The following KCNQ1 variants were observed in gnomAD, a reference collection of about 807,000 sequenced individuals.
The protein encoded by KCNQ1 is potassium voltage-gated channel subfamily KQT member 1.
In KCNQ1, 49 loss-of-function variants were observed where a neutral mutation model predicts 72.4. The observed-to-expected ratio is 0.68, with a 90% CI of 0.54 to 0.86. The LOEUF is 0.86. KCNQ1 is among the 40% of genes least tolerant of loss of function. The pLI, the probability that KCNQ1 is intolerant of heterozygous loss-of-function variation, is 0.00. For synonymous variants in KCNQ1, 450 were observed against 412.6 expected (o/e 1.09, Z -1.10); for missense variants, 790 against 945.1 (o/e 0.84, Z 2.15).
rs536608671 is a variant in KCNQ1, at chr11:2,822,487, C to T, written c.1795-25280C>T. On this transcript the variant is annotated intron_variant, in intron 15 of 15. Transcript: ENST00000155840. ...TGTTTAGTTAGAACTGTGCTAAGTG[C>T]GTAAAGAGAGCTAAAGGCTACATAA... is the stretch of plus-strand genomic sequence containing the variant. Among the ~76,000 whole-genome samples the T allele has an allele frequency of 7.2e-5, 11 of 152,256 alleles. No homozygotes were observed. The East Asian group carries it at 7.7e-4, about 11-fold the overall frequency.
chr11:2,670,150 T>G lies in KCNQ1; in HGVS notation c.1514+8069T>G. 7.5e-6 allele frequency: 3 copies of G among 398,666 alleles called. No homozygotes were observed. Among genetic ancestry groups the G allele is most frequent in the Non-Finnish European group, 1.3e-5 (3 of 226,102 alleles). The allele number at this position is 398,666 out of a possible 1,614,324, so 24.7% of individuals were successfully genotyped here. ...TGCATCTGTCATTTGTTCTTATCAC[T>G]GTCGGGCCCATCTGCCAAGGCAAGC... On this transcript the variant is annotated intron_variant, in intron 11 of 15. Coordinates refer to ENST00000155840, the MANE Select transcript of KCNQ1 (RefSeq NM_000218.3). The surrounding 1 kb of genome is among the most constrained non-coding windows in gnomAD (Gnocchi z 4.9).
chr11:2,757,757 C>T (rs577526547), intron 11 of KCNQ1, among the ~76,000 whole-genome samples: 11 of 152,310 alleles, frequency 7.2e-5, no homozygotes, highest in South Asian at 4.1e-4. Flanking sequence ...AATAGACACA[C>T]GCAAACATGC....
In KCNQ1 at chr11:2,598,995, A is replaced by T. The variant is rs1028203003; in HGVS notation, c.1393+10141A>T. On this transcript the variant is annotated intron_variant, in intron 10 of 15. Transcript: ENST00000155840. The surrounding 1 kb of genome is among the most constrained non-coding windows in gnomAD (Gnocchi z 6.2). ...TCAATACCAGATCTGAATAGGGGCT[A>T]TTCTTTCTTTTAGTGTCCTTAATGT... Among the ~76,000 whole-genome samples, 1 of 152,232 alleles carries T rather than the reference A, an allele frequency of 6.6e-6. No homozygotes were observed. Among genetic ancestry groups the T allele is most frequent in the African/African-American group, 2.4e-5 (1 of 41,462 alleles).
chr11:2,639,652 G>C (rs1254058443), intron 10 of KCNQ1: 3 of 152,404 alleles, frequency 2.0e-5, no homozygotes, highest in African/African-American at 7.2e-5. Context: ...TAGGCTACTC[G>C]GGGGTCAGGG....
In KCNQ1 at chr11:2,752,532, C is replaced by T. The variant is rs757701095; in HGVS notation, c.1515-16312C>T. On this transcript the variant is annotated intron_variant, in intron 11 of 15. Transcript: ENST00000155840. The surrounding 1 kb of genome is among the most constrained non-coding windows in gnomAD (Gnocchi z 5.2). ...GAGACTGGGAAGCACAGGGTCAGGGCGCCAGCAGATCTGGTGTCTGGTAAG... is the reference window on the plus strand; with the variant it reads ...GAGACTGGGAAGCACAGGGTCAGGGTGCCAGCAGATCTGGTGTCTGGTAAG... Among the ~76,000 whole-genome samples, 14 of 152,016 alleles carry T rather than the reference C, an allele frequency of 9.2e-5. No homozygotes were observed. Among genetic ancestry groups the T allele is most frequent in the Non-Finnish European group, 1.2e-4 (8 of 67,998 alleles).
chr11:2,474,906 A>G (rs1174410812), intron 1 of KCNQ1, among the ~76,000 whole-genome samples: 1 of 152,164 alleles, frequency 6.6e-6, no homozygotes, highest in African/African-American at 2.4e-5. Context: ...AAACTGAGGC[A>G]TGGGGTGCAT....
chr11:2,512,617 C>T (rs971308246), intron 1 of KCNQ1, among the ~76,000 whole-genome samples: 11 of 152,228 alleles, frequency 7.2e-5, no homozygotes, highest in Non-Finnish European at 1.3e-4. Context: ...CCTCTGGCCG[C>T]CTCTTGCTCT....
chr11:2,510,622 C>G (rs1043623298), intron 1 of KCNQ1, among the ~76,000 whole-genome samples: 1 of 152,200 alleles, frequency 6.6e-6, no homozygotes, highest in Non-Finnish European at 1.5e-5. Flanking sequence ...ACAAACAAGG[C>G]TAACATGTTG....
intron 15 of KCNQ1, among the ~76,000 whole-genome samples, chr11:2,831,160 C>T (rs1004156896): frequency 1.3e-5 from 2 of 152,220 alleles, no homozygotes; most frequent in South Asian, 2.1e-4. Flanking sequence ...ATGGGATGTT[C>T]TCAGAATGAC....
In KCNQ1 at chr11:2,565,410, G is replaced by A. The variant is rs922836881; in HGVS notation, c.478-5218G>A. 6.6e-6 allele frequency among the ~76,000 whole-genome samples: 1 copy of A among 152,174 alleles called. No homozygotes were observed. The highest frequency in any genetic ancestry group is 2.4e-5 in the African/African-American group (1 of 41,442). ...CTCTCCGTGTGCCTCTTGGCCATCT[G>A]TGTATCTTCTTCACAGAAATGACTG... On this transcript the variant is annotated intron_variant, in intron 2 of 15. Coordinates refer to ENST00000155840, the MANE Select transcript of KCNQ1 (RefSeq NM_000218.3). This position sits in a 1 kb window ranked among gnomAD's most constrained non-coding sequence, Gnocchi z 5.6.
rs1848810554 is a variant in KCNQ1, at chr11:2,601,678, C to T, written c.1393+12824C>T. On this transcript the variant is annotated intron_variant, in intron 10 of 15. Transcript: ENST00000155840. The surrounding 1 kb of genome is among the most constrained non-coding windows in gnomAD (Gnocchi z 5.2). Reference sequence around the variant, plus strand: ...AATGGAATCACACAATACACGATATCTTAGAAACGGGGTCTTTTGGCTCGG... The same window carrying T: ...AATGGAATCACACAATACACGATATTTTAGAAACGGGGTCTTTTGGCTCGG... Among the ~76,000 whole-genome samples the T allele has an allele frequency of 6.6e-6, 1 of 152,220 alleles. No individual in the cohort carries two copies. Among genetic ancestry groups the T allele is most frequent in the African/African-American group, 2.4e-5 (1 of 41,442 alleles).
chr11:2,829,978 GGAGGGAGGAGGAAGGAA>G (rs1847909620), intron 15 of KCNQ1, among the ~76,000 whole-genome samples: 3 of 140,840 alleles, frequency 2.1e-5, no homozygotes, highest in African/African-American at 5.4e-5. Flanking sequence ...GAAGGAAGGA[GGAGGGAGGAGGAAGGAA>G]GAGGGAGGAG....
At chr11:2,469,263 G>GTT (rs113964559) in intron 1 of KCNQ1, among the ~76,000 whole-genome samples, 9 of 145,712 alleles carry the variant, frequency 6.2e-5, no homozygotes, top group African/African-American at 1.0e-4. Flanking sequence ...GAATTCAAGA[G>GTT]TTTTTTTTTT....
Position 2,671,068 on chromosome 11 carries a change from T to A in KCNQ1, c.1514+8987T>A, listed in dbSNP as rs924798688. On this transcript the variant is annotated intron_variant, in intron 11 of 15. Transcript: ENST00000155840. This position sits in a 1 kb window ranked among gnomAD's most constrained non-coding sequence, Gnocchi z 4.7. Reference sequence around the variant, plus strand: ...TATCTGAGGCACACATCCTTGGTAGTGACTGGCTAGCAGGAGGAAGTCTGG... The same window carrying A: ...TATCTGAGGCACACATCCTTGGTAGAGACTGGCTAGCAGGAGGAAGTCTGG... The A allele has an allele frequency of 1.5e-5, 6 of 398,496 alleles. No individual in the cohort carries two copies. Among genetic ancestry groups the A allele is most frequent in the African/African-American group, 1.0e-4 (5 of 48,596 alleles). 24.7% of individuals were successfully genotyped at this position (398,496 alleles called of 1,614,324 possible).
chr11:2,445,475 A>T lies in KCNQ1; in HGVS notation c.377A>T (p.His126Leu), dbSNP rs794728579. Residue 126 changes from histidine (H) to leucine (L), a missense_variant, in exon 1 of 16, where the codon CAC (histidine) becomes CTC (leucine). His to Leu is a moderately conservative substitution (Grantham distance 99). This residue lies in a region of KCNQ1 where 294 missense variants were observed against 323.3 expected (regional missense o/e 0.91). Transcript: ENST00000155840. The part of the protein sequence containing the change: ...RPTGWKCFVY[H>L]FAVFLIVLVC... ...ACCGGCTGGAAATGCTTCGTTTACC[A>T]CTTCGCCGTGTGAGTATCGCCACCG... 2 of 1,595,166 alleles carry T rather than the reference A, an allele frequency of 1.3e-6. No individual in the cohort carries two copies.
At chr11:2,524,841 C>T (rs918994264) in intron 1 of KCNQ1, among the ~76,000 whole-genome samples, 1 of 152,114 alleles carries the variant, frequency 6.6e-6, no homozygotes, top group African/African-American at 2.4e-5. Flanking sequence ...CCAGTGGGCA[C>T]TGCATCTCCA....
chr11:2,500,130 A>G (rs1846986029), intron 1 of KCNQ1, among the ~76,000 whole-genome samples: 1 of 152,252 alleles, frequency 6.6e-6, no homozygotes. Context: ...ATAAATTACA[A>G]TGGAAACACA....
intron 11 of KCNQ1, chr11:2,697,378 C>T (rs1850695429): frequency 2.5e-6 from 1 of 398,452 alleles, no homozygotes; most frequent in Non-Finnish European, 4.4e-6. Flanking sequence ...CTCACATCCC[C>T]ATTTCTTTTT....
intron 15 of KCNQ1, among the ~76,000 whole-genome samples, chr11:2,812,651 A>G (rs1767217950): frequency 6.6e-6 from 1 of 152,156 alleles, no homozygotes; most frequent in African/African-American, 2.4e-5. Context: ...AGGGACTTTA[A>G]AACATAAACC....
Sources: allele counts gnomAD v4.1 joint callset (sites outside exome capture counted in the v4.1 genomes callset), GRCh38; gene constraint gnomAD v4.1.1; regional missense constraint gnomAD v4.1.1; non-coding constraint Gnocchi (gnomAD v3.1); transcripts MANE v1.5; gene names NCBI Gene and HGNC (gene_info 2026-07-23, HGNC 2026-07-21).